Variants in ANXA1 observed in about 807,000 individuals in gnomAD.
The protein encoded by ANXA1 is annexin I (lipocortin I).
Under a neutral mutation model 47.9 loss-of-function variants are expected in ANXA1, and 39 were observed. The observed-to-expected ratio is 0.81, with a 90% CI of 0.63 to 1.06. The LOEUF (loss-of-function observed/expected upper bound fraction) is 1.06. Among genes scored for constraint, ANXA1 ranks in the 50% least tolerant of loss-of-function variants. The probability of loss-of-function intolerance (pLI) is 0.00; values close to 1 mark genes in which losing one functional copy is unlikely to be tolerated. For synonymous variants in ANXA1, 146 were observed against 142.5 expected (o/e 1.02, Z -0.17); for missense variants, 446 against 422.7 (o/e 1.06, Z -0.48).
At chr9:73,159,542 A>G in intron 4 of ANXA1, 119 bp downstream of exon 4, 1 of 734,378 alleles carries the variant, frequency 1.4e-6, no homozygotes, top group South Asian at 2.0e-5. Flanking sequence ...CATTACATCT[A>G]TGATTGGGAT....
intron 1 of ANXA1, chr9:73,154,445 T>C: frequency 9.3e-7 from 1 of 1,073,846 alleles, no homozygotes; most frequent in Non-Finnish European, 1.3e-6. Flanking sequence ...TCTTTTTCTT[T>C]CTTTCTTCCC....
intron 11 of ANXA1, 60 bp downstream of exon 11, chr9:73,167,615 G>A: frequency 1.4e-6 from 2 of 1,445,550 alleles, no homozygotes; most frequent in Non-Finnish European, 1.9e-6. Context: ...AGAAAGAACA[G>A]AAAACCTCAT....
At chr9:73,167,653 C>A in intron 11 of ANXA1, 98 bp downstream of exon 11, 1 of 1,089,316 alleles carries the variant, frequency 9.2e-7, no homozygotes, top group Non-Finnish European at 1.4e-6. Flanking sequence ...CATTTAATAT[C>A]TTCCCATTAA....
chr9:73,159,627 G>T (rs1271963136), intron 4 of ANXA1: 3 of 421,612 alleles, frequency 7.1e-6, no homozygotes, highest in Non-Finnish European at 1.3e-5. Context: ...AGTCATCTTG[G>T]TGTATATTGT....
At chr9:73,168,190 T>C (rs139550251) in intron 11 of ANXA1, 1 of 152,350 alleles carries the variant, frequency 6.6e-6, no homozygotes, top group East Asian at 1.9e-4. Context: ...AAGATCTAAC[T>C]ATTTGAATAA....
intron 1 of ANXA1, among the ~76,000 whole-genome samples, chr9:73,152,563 T>C (rs1284249548): frequency 1.3e-5 from 2 of 152,218 alleles, no homozygotes; most frequent in Non-Finnish European, 2.9e-5. Flanking sequence ...CCACATTCCT[T>C]TTCTTGTAGG....
intron 1 of ANXA1, 114 bp from the exon 2 acceptor site, chr9:73,158,408 A>G (rs1824082936): frequency 1.3e-6 from 1 of 766,614 alleles, no homozygotes. Flanking sequence ...GATCCTGGAA[A>G]GTAAGCGCAA....
intron 8 of ANXA1, among the ~76,000 whole-genome samples, chr9:73,164,272 C>T (rs756384778): frequency 2.4e-4 from 36 of 152,118 alleles, no homozygotes; most frequent in Non-Finnish European, 5.0e-4. Flanking sequence ...ATAATAGGCA[C>T]TCATGAACTT....
rs768435046 is a variant in ANXA1, at chr9:73,158,730, A to G, written c.102A>G (p.Ser34=). The change falls in exon 3 of 13, where the codon TCA becomes TCG. Residue 34 remains serine, a synonymous_variant. Coordinates refer to ENST00000257497, the MANE Select transcript of ANXA1 (RefSeq NM_000700.3). Reference sequence around the variant, plus strand: ...AGTCATCCAAAGGTGGTCCCGGATCAGCGGTGAGCCCCTATCCTACCTTCA... The same window carrying G: ...AGTCATCCAAAGGTGGTCCCGGATCGGCGGTGAGCCCCTATCCTACCTTCA... ...TVKSSKGGPG[S]AVSPYPTFNP... is the part of the protein sequence containing the mutation. The G allele has an allele frequency of 3.7e-6, 6 of 1,613,910 alleles. No individual in the cohort carries two copies. In the South Asian group the frequency reaches 5.5e-5, roughly 15 times the overall value.
rs923476755 is a variant in ANXA1 at position 73,151,908 on chromosome 9, A to G, written c.-31A>G. On this transcript the variant is annotated 5_prime_UTR_variant, in exon 1 of 13. Coordinates refer to ENST00000257497, the MANE Select transcript of ANXA1 (RefSeq NM_000700.3). ...AAGAATTTCTCTTTAGTTCTTTGCA[A>G]GAAGGTAGAGATAAAGGTAAGTCTT... 3 of 152,208 alleles carry G rather than the reference A, an allele frequency of 2.0e-5. No individual in the cohort carries two copies. The highest frequency in any genetic ancestry group is 4.4e-5 in the Non-Finnish European group (3 of 68,036). 9.4% of individuals were successfully genotyped at this position (152,208 alleles called of 1,614,324 possible). A position where few individuals can be genotyped will look rare whatever the true frequency, so the allele number is the denominator to read the frequency against.
In ANXA1 at chr9:73,160,447, T is replaced by C. The variant is rs535162637; in HGVS notation, c.384+71T>C. Reference sequence around the variant, plus strand: ...TTGGGCAAGTCACTTATGCTTATGTTATTTTCAAAATCTAGTATAGTACCT... The same window carrying C: ...TTGGGCAAGTCACTTATGCTTATGTCATTTTCAAAATCTAGTATAGTACCT... On this transcript the variant is annotated intron_variant, in intron 5 of 12. Transcript: ENST00000257497. 6 of 1,106,694 alleles carry C rather than the reference T, an allele frequency of 5.4e-6. No individual in the cohort carries two copies. In the East Asian group the frequency reaches 1.3e-4, roughly 23 times the overall value. The allele number at this position is 1,106,694 out of a possible 1,614,324, so 68.6% of individuals were successfully genotyped here. A position where few individuals can be genotyped will look rare whatever the true frequency, so the allele number is the denominator to read the frequency against.
chr9:73,165,249 G>A, intron 9 of ANXA1, 40 bp downstream of exon 9: 1 of 1,536,530 alleles, frequency 6.5e-7, no homozygotes, highest in Non-Finnish European at 8.9e-7. Context: ...GTTTATGGAA[G>A]ATGCAATTTT....
chr9:73,158,646 A>G, intron 2 of ANXA1, 45 bp downstream of exon 2: 9 of 1,610,512 alleles, frequency 5.6e-6, no homozygotes, highest in Non-Finnish European at 7.6e-6. Context: ...ATTGAAATAA[A>G]AACGAATATA....
chr9:73,170,080 C>A lies in ANXA1; in HGVS notation c.1014C>A (p.Ile338=). ...AAACCAAAGGAGATTATGAGAAAAT[C>A]CTGGTGGCTCTTTGTGGAGGAAACT... ...LDETKGDYEK[I]LVALCGGN is the part of the protein sequence containing the mutation. Residue 338 remains isoleucine, a synonymous_variant, in exon 13 of 13, where the codon ATC becomes ATA. Transcript: ENST00000257497. 1 of 1,607,288 alleles carries A rather than the reference C, an allele frequency of 6.2e-7. No individual in the cohort carries two copies. The highest frequency in any genetic ancestry group is 8.5e-7 in the Non-Finnish European group (1 of 1,176,242).
At chr9:73,163,943 A>T (rs1394785591) in intron 8 of ANXA1, among the ~76,000 whole-genome samples, 1 of 152,180 alleles carries the variant, frequency 6.6e-6, no homozygotes, top group African/African-American at 2.4e-5. Flanking sequence ...ATGTCAATTT[A>T]TATTGTCAAA....
At chr9:73,158,450 T>C in intron 1 of ANXA1, 72 bp from the exon 2 acceptor site, 1 of 1,148,322 alleles carries the variant, frequency 8.7e-7, no homozygotes, top group Non-Finnish European at 1.3e-6. Flanking sequence ...CTTATGTATG[T>C]AAGAGGTGAG....
Position 73,170,145 on chromosome 9 carries a change from TTTAA to T in ANXA1, c.*42_*45del. On this transcript the variant is annotated 3_prime_UTR_variant, in exon 13 of 13. Coordinates refer to ENST00000257497, the MANE Select transcript of ANXA1 (RefSeq NM_000700.3). ...TGGTCTCAAGCTATGATCAGAAGACTTTAATTATATATTTTCATCCTATAAGCTT... is the reference window on the plus strand; with the variant it reads ...TGGTCTCAAGCTATGATCAGAAGACTTTATATATTTTCATCCTATAAGCTT... 3 of 1,541,386 alleles carry T rather than the reference TTTAA, an allele frequency of 1.9e-6. No homozygotes were observed. Among genetic ancestry groups the T allele is most frequent in the Non-Finnish European group, 2.6e-6 (3 of 1,132,416 alleles).
At chr9:73,166,793 T>C (rs1184886240) in intron 10 of ANXA1, among the ~76,000 whole-genome samples, 1 of 152,126 alleles carries the variant, frequency 6.6e-6, no homozygotes, top group Non-Finnish European at 1.5e-5. Context: ...GGAGCTTAGA[T>C]TCTGCTTTTC....
rs534831026 is a variant in ANXA1 at position 73,152,380 on chromosome 9, T to C, written c.-15+456T>C. Among the ~76,000 whole-genome samples, 3 of 152,310 alleles carry C rather than the reference T, an allele frequency of 2.0e-5. No homozygotes were observed. The East Asian group carries it at 5.8e-4, about 29-fold the overall frequency. On this transcript the variant is annotated intron_variant, in intron 1 of 12. Transcript: ENST00000257497. ...GCTGCAGGGAACTGTTTCAAAATAGTAGGACTTTCATAATTTATTTTCTTC... is the reference window on the plus strand; with the variant it reads ...GCTGCAGGGAACTGTTTCAAAATAGCAGGACTTTCATAATTTATTTTCTTC...
Sources: allele counts gnomAD v4.1 joint callset (sites outside exome capture counted in the v4.1 genomes callset), GRCh38; gene constraint gnomAD v4.1.1; transcripts MANE v1.5; gene names NCBI Gene and HGNC (gene_info 2026-07-23, HGNC 2026-07-21).